Variants in ERGIC1 observed in about 807,000 individuals in gnomAD.
ERGIC1 encodes the protein endoplasmic reticulum-golgi intermediate compartment 1.
ERGIC1 carries 19 observed loss-of-function variants against 38.3 expected under a neutral mutation model. The ratio of observed to expected loss-of-function variants is 0.50; its 90% CI spans 0.35 to 0.73. ERGIC1 has a LOEUF of 0.73. Ranked by LOEUF, ERGIC1 falls within the 30% of genes least tolerant of loss-of-function variation. ERGIC1 has a pLI of 0.01. For synonymous variants in ERGIC1, 124 were observed against 157.6 expected (o/e 0.79, Z 1.60); for missense variants, 294 against 389.2 (o/e 0.76, Z 2.06).
intron 2 of ERGIC1, among the ~76,000 whole-genome samples, chr5:172,889,056 G>C (rs538909728): frequency 6.6e-6 from 1 of 152,178 alleles, no homozygotes; most frequent in Non-Finnish European, 1.5e-5. Flanking sequence ...AGGCCAAGGC[G>C]GGTGGATCAA....
intron 9 of ERGIC1, among the ~76,000 whole-genome samples, chr5:172,942,181 A>G (rs1722763459): frequency 6.6e-6 from 1 of 152,150 alleles, no homozygotes; most frequent in Admixed American, 6.6e-5. Flanking sequence ...GCGACAGAGC[A>G]AGACTCCGTC....
chr5:172,834,537 C>A lies in ERGIC1; in HGVS notation c.20+104C>A. On this transcript the variant is annotated intron_variant, in intron 1 of 9. Coordinates refer to ENST00000393784, the MANE Select transcript of ERGIC1 (RefSeq NM_001031711.3). The surrounding 1 kb of genome is among the most constrained non-coding windows in gnomAD (Gnocchi z 4.1). ...CGCCCTGCATGCAAAAGCGGCTCCC[C>A]GCCCTGTGCATGCCTCCGCAGGCCC... The A allele has an allele frequency of 8.7e-7, 1 of 1,144,174 alleles. No homozygotes were observed. Among genetic ancestry groups the A allele is most frequent in the Non-Finnish European group, 1.1e-6 (1 of 909,466 alleles). The allele number at this position is 1,144,174 out of a possible 1,614,324, so 70.9% of individuals were successfully genotyped here.
intron 9 of ERGIC1, among the ~76,000 whole-genome samples, chr5:172,941,170 G>C (rs1764003506): frequency 6.6e-6 from 1 of 152,090 alleles, no homozygotes; most frequent in South Asian, 2.1e-4. Flanking sequence ...TACTGTGGAG[G>C]CTGAGGCAGT....
In ERGIC1 at chr5:172,926,546, G is replaced by C; in HGVS notation, c.518G>C (p.Gly173Ala). The C allele has an allele frequency of 6.2e-7, 1 of 1,613,064 alleles. No individual in the cohort carries two copies. Among genetic ancestry groups the C allele is most frequent in the Non-Finnish European group, 8.5e-7 (1 of 1,179,996 alleles). ...NIHGAFNALG[G>A]ADRLTSNPLA... ...CACGGAGCTTTCAATGCTCTCGGGG[G>C]AGCAGACAGACTCACCTCCAACCGT... The change falls in exon 7 of 10, where the codon GGA (glycine) becomes GCA (alanine). Residue 173 changes from glycine (G) to alanine (A), a missense_variant. By Grantham distance (60) the Gly-to-Ala change is moderately conservative (BLOSUM62 0). Coordinates refer to ENST00000393784, the MANE Select transcript of ERGIC1 (RefSeq NM_001031711.3). This position sits in a 1 kb window ranked among gnomAD's most constrained non-coding sequence, Gnocchi z 5.2.
chr5:172,949,670 T>C (rs1286305644), intron 9 of ERGIC1, among the ~76,000 whole-genome samples: 1 of 145,682 alleles, frequency 6.9e-6, no homozygotes, highest in Admixed American at 7.0e-5. Context: ...GGGGGTATGA[T>C]TGGCATCTCC....
At chr5:172,886,038 G>T (rs938416909) in intron 1 of ERGIC1, among the ~76,000 whole-genome samples, 4 of 151,972 alleles carry the variant, frequency 2.6e-5, no homozygotes, top group Admixed American at 6.5e-5. Context: ...GCCGCCTGCT[G>T]GTTTGTTTTC....
rs1056679640 is a variant in ERGIC1 at position 172,947,343 on chromosome 5, A to AT, written c.766-3359dup. Among the ~76,000 whole-genome samples the AT allele has an allele frequency of 5.3e-5, 8 of 151,998 alleles. No individual in the cohort carries two copies. In the East Asian group the frequency reaches 5.8e-4, roughly 11 times the overall value. ...GGACTACAGCCACCACACCTGTCCAATTTTTTTATTTTTTGTAGAGATGGG... is the reference window on the plus strand; with the variant it reads ...GGACTACAGCCACCACACCTGTCCAATTTTTTTTATTTTTTGTAGAGATGGG... On this transcript the variant is annotated intron_variant, in intron 9 of 9. Coordinates refer to ENST00000393784, the MANE Select transcript of ERGIC1 (RefSeq NM_001031711.3).
intron 1 of ERGIC1, among the ~76,000 whole-genome samples, chr5:172,841,862 G>A (rs928551305): frequency 6.6e-6 from 1 of 152,136 alleles, no homozygotes; most frequent in African/African-American, 2.4e-5. Context: ...TTTAAAGTTA[G>A]CATATGATAA....
rs903037907 is a variant in ERGIC1 at position 172,846,450 on chromosome 5, C to G, written c.20+12017C>G. Among the ~76,000 whole-genome samples the G allele has an allele frequency of 3.3e-5, 5 of 152,174 alleles. No homozygotes were observed. The highest frequency in any genetic ancestry group is 1.2e-4 in the African/African-American group (5 of 41,426). On this transcript the variant is annotated intron_variant, in intron 1 of 9. Coordinates refer to ENST00000393784, the MANE Select transcript of ERGIC1 (RefSeq NM_001031711.3). This position sits in a 1 kb window ranked among gnomAD's most constrained non-coding sequence, Gnocchi z 4.0. ...CCTGCCCCTTGTGCCAGGCTGATGT[C>G]AGGTGGTTTATAGTCATGATCTCAT... is the stretch of plus-strand genomic sequence containing the variant.
chr5:172,950,183 T>C (rs918627948), intron 9 of ERGIC1, among the ~76,000 whole-genome samples: 14 of 152,346 alleles, frequency 9.2e-5, no homozygotes, highest in South Asian at 4.1e-4. Context: ...ATTATTTGCT[T>C]ACTACCCATC....
At chr5:172,872,065 C>T (rs79157896) in intron 1 of ERGIC1, among the ~76,000 whole-genome samples, 3,969 of 152,290 alleles carry the variant, frequency 0.026, 70 homozygotes, top group African/African-American at 0.033. Context: ...CAGGTCTCTT[C>T]GCTGTGCTCC....
intron 2 of ERGIC1, among the ~76,000 whole-genome samples, chr5:172,892,060 A>ATTTTTTTTTTTTTTTGTTT (rs372105420): frequency 3.6e-4 from 45 of 125,526 alleles, no homozygotes; most frequent in Non-Finnish European, 6.0e-4. Flanking sequence ...GTTAAAGAGT[A>ATTTTTTTTTTTTTTTGTTT]TGTTTTTTTT....
chr5:172,927,321 T>C (rs1280091485), intron 7 of ERGIC1, among the ~76,000 whole-genome samples: 1 of 152,196 alleles, frequency 6.6e-6, no homozygotes, highest in African/African-American at 2.4e-5. Flanking sequence ...TTTCCTGAAA[T>C]GCGTTTGCTC....
rs11750403 is a variant in ERGIC1 at position 172,926,340 on chromosome 5, A to G, written c.481-169A>G. ...GATGGGAAACAAGCTTGTGCCTACTATGTGCCAGGCCCCTGCTGCCTCTTG... is the reference window on the plus strand; with the variant it reads ...GATGGGAAACAAGCTTGTGCCTACTGTGTGCCAGGCCCCTGCTGCCTCTTG... On this transcript the variant is annotated intron_variant, in intron 6 of 9. Coordinates refer to ENST00000393784, the MANE Select transcript of ERGIC1 (RefSeq NM_001031711.3). This position sits in a 1 kb window ranked among gnomAD's most constrained non-coding sequence, Gnocchi z 5.2. Among the ~76,000 whole-genome samples the G allele has an allele frequency of 0.58, 88,195 of 152,042 alleles. 26,249 individuals carry two copies. Among genetic ancestry groups the G allele is most frequent in the African/African-American group, 0.65 (26,795 of 41,462 alleles).
intron 1 of ERGIC1, among the ~76,000 whole-genome samples, chr5:172,845,096 G>T (rs1761254636): frequency 6.6e-6 from 1 of 152,124 alleles, no homozygotes; most frequent in African/African-American, 2.4e-5. Context: ...ATGCCGCTAA[G>T]TCCCAAGTGC....
Position 172,920,297 on chromosome 5 carries a change from A to G in ERGIC1, c.376-3708A>G, listed in dbSNP as rs1049135483. Reference sequence around the variant, plus strand: ...TGCTGTGATGGCAAGGTCAGCAGCCAGCCCCCGCACCTCTCTCCCAGCATC... The same window carrying G: ...TGCTGTGATGGCAAGGTCAGCAGCCGGCCCCCGCACCTCTCTCCCAGCATC... On this transcript the variant is annotated intron_variant, in intron 5 of 9. Coordinates refer to ENST00000393784, the MANE Select transcript of ERGIC1 (RefSeq NM_001031711.3). The G allele has an allele frequency of 1.3e-5, 9 of 717,096 alleles. No individual in the cohort carries two copies. The African/African-American group carries it at 1.4e-4, about 11-fold the overall frequency. The allele number at this position is 717,096 out of a possible 1,614,324, so 44.4% of individuals were successfully genotyped here. A position where few individuals can be genotyped will look rare whatever the true frequency, so the allele number is the denominator to read the frequency against.
At position 172,932,551 on chromosome 5, in the gene ERGIC1, G is replaced by A. The variant is rs750457097; in HGVS notation, c.642+15G>A. ...TGGCCAACAAGGTGCGCGGGCGGTGGCTGGGCCGAGCTGTGTGCGGCGGCG... is the reference window on the plus strand; with the variant it reads ...TGGCCAACAAGGTGCGCGGGCGGTGACTGGGCCGAGCTGTGTGCGGCGGCG... On this transcript the variant is annotated intron_variant, in intron 8 of 9. Coordinates refer to ENST00000393784, the MANE Select transcript of ERGIC1 (RefSeq NM_001031711.3). The A allele has an allele frequency of 1.9e-6, 3 of 1,611,760 alleles. No individual in the cohort carries two copies. The highest frequency in any genetic ancestry group is 2.5e-6 in the Non-Finnish European group (3 of 1,178,596).
intron 1 of ERGIC1, among the ~76,000 whole-genome samples, chr5:172,839,833 G>GT (rs1189241374): frequency 6.6e-6 from 1 of 152,190 alleles, no homozygotes; most frequent in African/African-American, 2.4e-5. Flanking sequence ...GTGCCACAGA[G>GT]TTCGGAAACA....
intron 2 of ERGIC1, among the ~76,000 whole-genome samples, chr5:172,892,968 C>T (rs562832430): frequency 1.8e-4 from 27 of 152,224 alleles, no homozygotes; most frequent in Non-Finnish European, 2.6e-4. Context: ...AGGCTTAGTC[C>T]GAGCCTTGAA....
Sources: gnomAD v4.1 joint callset for allele counts (sites outside exome capture counted in the v4.1 genomes callset) on GRCh38, gnomAD v4.1.1 for gene constraint, Gnocchi (gnomAD v3.1) non-coding constraint, MANE v1.5 for transcripts, NCBI Gene and HGNC (gene_info 2026-07-23, HGNC 2026-07-21) for gene names.